The following OLFM3 variants were observed in gnomAD, a reference collection of about 807,000 sequenced individuals.
OLFM3 encodes the protein noelin-3.
OLFM3 carries 20 observed loss-of-function variants against 48.6 expected under a neutral mutation model. That is an observed-to-expected ratio of 0.41 (90% confidence interval 0.29 to 0.60). OLFM3 has a LOEUF of 0.60. OLFM3 is among the 20% of genes least tolerant of loss of function. The probability of loss-of-function intolerance (pLI) is 0.28; values close to 1 mark genes in which losing one functional copy is unlikely to be tolerated. For synonymous variants in OLFM3, 222 were observed against 198.1 expected, an observed-to-expected ratio of 1.12 and a Z score of -1.01; for missense variants, 437 against 544.3, an observed-to-expected ratio of 0.80 and a Z score of 1.96.
intron 1 of OLFM3, among the ~76,000 whole-genome samples, chr1:101,847,628 A>T (rs1557701181): frequency 6.6e-6 from 1 of 152,216 alleles, no homozygotes; most frequent in Non-Finnish European, 1.5e-5. Context: ...ACCTTTAGGC[A>T]TCTTACACCT....
chr1:101,857,363 TACAA>T, intron 1 of OLFM3, among the ~76,000 whole-genome samples: 1 of 151,964 alleles, frequency 6.6e-6, no homozygotes, highest in East Asian at 1.9e-4. Context: ...GATTCAAAAT[TACAA>T]ACAAACATTA....
In OLFM3 at chr1:101,984,696, G is replaced by A. The variant is rs1052863060; in HGVS notation, c.69+12052C>T. 5.3e-5 allele frequency among the ~76,000 whole-genome samples: 8 copies of A among 152,096 alleles called. No homozygotes were observed. The South Asian group carries it at 6.2e-4, about 12-fold the overall frequency. ...ATTACAGGCTTGAGCCACTGTGGCCGGCTGCAATTTTTCATTTCTATATTA... is the reference window on the plus strand; with the variant it reads ...ATTACAGGCTTGAGCCACTGTGGCCAGCTGCAATTTTTCATTTCTATATTA... On this transcript the variant is annotated intron_variant, in intron 1 of 5. Coordinates refer to ENST00000370103, the MANE Select transcript of OLFM3 (RefSeq NM_058170.4).
At chr1:101,939,784 T>C (rs775210479) in intron 1 of OLFM3, among the ~76,000 whole-genome samples, 3 of 152,138 alleles carry the variant, frequency 2.0e-5, no homozygotes, top group Admixed American at 6.6e-5. Context: ...TTTTAAACAA[T>C]TGTAAGGGAA....
chr1:101,945,304 A>G (rs1659926800), intron 1 of OLFM3, among the ~76,000 whole-genome samples: 1 of 152,224 alleles, frequency 6.6e-6, no homozygotes, highest in Non-Finnish European at 1.5e-5. Flanking sequence ...ATACGTTCAT[A>G]CAATGATGTA....
chr1:101,896,517 C>T lies in OLFM3; in HGVS notation c.70-59492G>A, dbSNP rs556225182. Among the ~76,000 whole-genome samples the T allele has an allele frequency of 5.1e-3, 525 of 102,582 alleles. 2 individuals carry two copies. The highest frequency in any genetic ancestry group is 0.018 in the Middle Eastern group (2 of 114). The allele number at this position is 102,582 out of a possible 152,430, so 67.3% of individuals were successfully genotyped here. A position where few individuals can be genotyped will look rare whatever the true frequency, so the allele number is the denominator to read the frequency against. ...TTTTTTTTTTTTTTTTTTTTTGAGA[C>T]GGAGTCTTGCTCTGTCACCCAGGCT... On this transcript the variant is annotated intron_variant, in intron 1 of 5. Coordinates refer to ENST00000370103, the MANE Select transcript of OLFM3 (RefSeq NM_058170.4).
At chr1:101,844,903 T>C (rs1178620758) in intron 1 of OLFM3, among the ~76,000 whole-genome samples, 1 of 152,216 alleles carries the variant, frequency 6.6e-6, no homozygotes, top group East Asian at 1.9e-4. Flanking sequence ...AGCATTAACA[T>C]TTTATGTTCC....
chr1:101,866,733 A>G (rs1381590102), intron 1 of OLFM3, among the ~76,000 whole-genome samples: 1 of 152,210 alleles, frequency 6.6e-6, no homozygotes, highest in African/African-American at 2.4e-5. Context: ...AATAATTTAA[A>G]TGCAATATGT....
intron 1 of OLFM3, among the ~76,000 whole-genome samples, chr1:101,869,212 C>T (rs1285664538): frequency 1.3e-5 from 2 of 152,162 alleles, no homozygotes; most frequent in African/African-American, 2.4e-5. Context: ...TGCAGGCACT[C>T]ATGCCAGCCC....
At chr1:101,903,660 C>G (rs1277180661) in intron 1 of OLFM3, among the ~76,000 whole-genome samples, 2 of 151,564 alleles carry the variant, frequency 1.3e-5, no homozygotes, top group African/African-American at 4.9e-5. Context: ...TTTACAGATT[C>G]TGCTAAAATC....
At chr1:101,805,161 CTT>C (rs926735075) in intron 5 of OLFM3, among the ~76,000 whole-genome samples, 8 of 151,730 alleles carry the variant, frequency 5.3e-5, no homozygotes, top group African/African-American at 1.7e-4. Context: ...CTTTTTCTCT[CTT>C]TGTTTTTTAA....
At chr1:101,860,117 A>G (rs983530947) in intron 1 of OLFM3, among the ~76,000 whole-genome samples, 26 of 152,062 alleles carry the variant, frequency 1.7e-4, no homozygotes, top group African/African-American at 4.1e-4. Context: ...AAGGCCAGCT[A>G]TGTAAGAGAA....
intron 1 of OLFM3, among the ~76,000 whole-genome samples, chr1:101,990,318 G>A (rs763768720): frequency 1.3e-5 from 2 of 152,196 alleles, no homozygotes; most frequent in African/African-American, 4.8e-5. Flanking sequence ...AGAGGAAACA[G>A]CAAGAGTGAA....
At chr1:101,909,450 G>A (rs1201582373) in intron 1 of OLFM3, among the ~76,000 whole-genome samples, 5 of 152,168 alleles carry the variant, frequency 3.3e-5, no homozygotes, top group Non-Finnish European at 5.9e-5. Context: ...TAAATTGGGG[G>A]AAGATAGATT....
chr1:101,939,510 A>G (rs536218785), intron 1 of OLFM3, among the ~76,000 whole-genome samples: 2 of 152,222 alleles, frequency 1.3e-5, no homozygotes, highest in African/African-American at 2.4e-5. Context: ...CTTATGGACA[A>G]ACTTGAGTGT....
intron 1 of OLFM3, among the ~76,000 whole-genome samples, chr1:101,932,026 A>G (rs1659459291): frequency 6.6e-6 from 1 of 152,208 alleles, no homozygotes; most frequent in Non-Finnish European, 1.5e-5. Context: ...ATCTCATGGC[A>G]AAATATGCAT....
intron 2 of OLFM3, among the ~76,000 whole-genome samples, chr1:101,834,334 G>A (rs1281152186): frequency 1.3e-5 from 2 of 152,260 alleles, no homozygotes; most frequent in East Asian, 3.9e-4. Context: ...TAATGAAGTA[G>A]ATACAAAATA....
intron 1 of OLFM3, among the ~76,000 whole-genome samples, chr1:101,970,915 A>G (rs944889998): frequency 9.2e-5 from 14 of 151,492 alleles, no homozygotes; most frequent in Admixed American, 2.0e-4. Context: ...CATGTTTTGA[A>G]TGTTAAAGCA....
At chr1:101,855,342 C>T (rs376593474) in intron 1 of OLFM3, among the ~76,000 whole-genome samples, 2 of 152,130 alleles carry the variant, frequency 1.3e-5, no homozygotes, top group South Asian at 4.1e-4. Context: ...GAAATATGTT[C>T]GCTGAAGTCA....
chr1:101,862,185 G>A (rs1176227788), intron 1 of OLFM3, among the ~76,000 whole-genome samples: 1 of 152,096 alleles, frequency 6.6e-6, no homozygotes, highest in Non-Finnish European at 1.5e-5. Context: ...TTTGCACCTG[G>A]GTTGAAAATT....
Sources: gnomAD v4.1 joint callset for allele counts (sites outside exome capture counted in the v4.1 genomes callset) on GRCh38, gnomAD v4.1.1 for gene constraint, MANE v1.5 for transcripts, NCBI Gene and HGNC (gene_info 2026-07-23, HGNC 2026-07-21) for gene names.